PCDH7: variants seen among roughly 807,000 people sequenced by gnomAD.
PCDH7 encodes the protein protocadherin-7.
A neutral mutation model predicts 58.9 loss-of-function variants in PCDH7; 17 were observed. The ratio of observed to expected loss-of-function variants is 0.29; its 90% CI spans 0.20 to 0.43. The LOEUF (loss-of-function observed/expected upper bound fraction) is 0.43. Among genes scored for constraint, PCDH7 ranks in the 20% least tolerant of loss-of-function variants. The pLI is 1.00. For missense variants in PCDH7, 1,274 were observed against 1,441.0 expected (o/e 0.88, Z 1.88); for synonymous variants, 664 against 616.4 (o/e 1.08, Z -1.14).
intron 1 of PCDH7, among the ~76,000 whole-genome samples, chr4:30,762,862 G>A (rs1010327049): frequency 6.6e-6 from 1 of 152,142 alleles, no homozygotes; most frequent in Non-Finnish European, 1.5e-5. Context: ...CATTAGAATG[G>A]ACATACAATC....
chr4:31,006,857 A>T (rs1578544687), intron 3 of PCDH7, among the ~76,000 whole-genome samples: 1 of 151,484 alleles, frequency 6.6e-6, no homozygotes, highest in Non-Finnish European at 1.5e-5. Context: ...ACGCTACTGC[A>T]CTCCAGCCTG....
chr4:30,978,333 C>G (rs1750256184), intron 3 of PCDH7, among the ~76,000 whole-genome samples: 1 of 152,154 alleles, frequency 6.6e-6, no homozygotes, highest in Admixed American at 6.6e-5. Flanking sequence ...TTATGTCAGT[C>G]ACTAATTATT....
At chr4:31,130,267 T>C (rs1337381319) in intron 3 of PCDH7, among the ~76,000 whole-genome samples, 1 of 145,038 alleles carries the variant, frequency 6.9e-6, no homozygotes, top group Non-Finnish European at 1.6e-5. Flanking sequence ...TGTACTTTAC[T>C]GAACAAAAAT....
chr4:30,916,133 A>T (rs1302959180), intron 1 of PCDH7, among the ~76,000 whole-genome samples: 1 of 152,208 alleles, frequency 6.6e-6, no homozygotes, highest in Non-Finnish European at 1.5e-5. Context: ...AAATAAATGG[A>T]GGTCTAGTGA....
At chr4:30,724,363 A>C (rs372115931) in exon 1 of PCDH7, 15 of 1,613,982 alleles carry the variant, frequency 9.3e-6, no homozygotes, top group Non-Finnish European at 1.2e-5. Flanking sequence ...GGGGCGATAC[A>C]GGTCCGTTAA....
rs551756135 is a variant in PCDH7 at position 30,843,294 on chromosome 4, C to T, written c.71-76859C>T. ...TGGGCTCATTGTAATCTCCACCTCC[C>T]GGACTCAAGTGATTCTCCTGCCTCT... On this transcript the variant is annotated intron_variant, in intron 1 of 3. Coordinates refer to the PCDH7 transcript ENST00000509759. Among the ~76,000 whole-genome samples the T allele has an allele frequency of 9.2e-5, 14 of 152,122 alleles. No individual in the cohort carries two copies. The South Asian group carries it at 1.9e-3, about 20-fold the overall frequency.
intron 1 of PCDH7, among the ~76,000 whole-genome samples, chr4:30,803,218 A>C (rs2109307594): frequency 6.6e-6 from 1 of 152,304 alleles, no homozygotes; most frequent in South Asian, 2.1e-4. Context: ...ATATTACAGT[A>C]GAGCATTTTT....
chr4:31,041,506 A>G (rs550680376), intron 3 of PCDH7, among the ~76,000 whole-genome samples: 1 of 152,210 alleles, frequency 6.6e-6, no homozygotes, highest in East Asian at 1.9e-4. Context: ...ACAGACTCCT[A>G]AGTGCTGGAA....
intron 1 of PCDH7, among the ~76,000 whole-genome samples, chr4:30,877,913 GA>G (rs1239502892): frequency 6.6e-6 from 1 of 152,082 alleles, no homozygotes; most frequent in Non-Finnish European, 1.5e-5. Flanking sequence ...TGGGAACTCT[GA>G]ATTGCCATGG....
chr4:31,116,838 T>C (rs1380060867), intron 3 of PCDH7, among the ~76,000 whole-genome samples: 2 of 151,996 alleles, frequency 1.3e-5, no homozygotes, highest in Admixed American at 1.3e-4. Context: ...TTGTTGTTGT[T>C]GTTTGGTTTT....
intron 3 of PCDH7, among the ~76,000 whole-genome samples, chr4:31,041,551 C>G (rs1048809143): frequency 1.3e-5 from 2 of 152,018 alleles, no homozygotes; most frequent in Non-Finnish European, 2.9e-5. Flanking sequence ...TGAAGGAGCA[C>G]GACACAGAAG....
At chr4:30,829,535 T>TATCAGTATATC (rs1729514817) in intron 1 of PCDH7, among the ~76,000 whole-genome samples, 1 of 152,002 alleles carries the variant, frequency 6.6e-6, no homozygotes, top group Admixed American at 6.6e-5. Flanking sequence ...GTAGAGAAGG[T>TATCAGTATATC]ATCAGTATAT....
chr4:30,901,741 A>C (rs950714828), intron 1 of PCDH7, among the ~76,000 whole-genome samples: 5 of 151,632 alleles, frequency 3.3e-5, no homozygotes, highest in Non-Finnish European at 7.4e-5. Flanking sequence ...CTCATGAAAA[A>C]CTCTTATCAG....
chr4:30,840,825 G>C (rs1731117275), intron 1 of PCDH7, among the ~76,000 whole-genome samples: 2 of 151,750 alleles, frequency 1.3e-5, no homozygotes, highest in South Asian at 4.2e-4. Context: ...ATGAGTCGTG[G>C]AATGTGTAAA....
intron 3 of PCDH7, among the ~76,000 whole-genome samples, chr4:31,068,576 T>C (rs1758283628): frequency 6.6e-6 from 1 of 151,890 alleles, no homozygotes; most frequent in African/African-American, 2.4e-5. Context: ...GTGGCCAAAT[T>C]TTTCAGTAGG....
intron 3 of PCDH7, among the ~76,000 whole-genome samples, chr4:31,061,006 G>A (rs543010988): frequency 1.6e-4 from 24 of 151,686 alleles, no homozygotes; most frequent in South Asian, 1.0e-3. Flanking sequence ...GAGACTCTTC[G>A]TTTCTGTCAA....
intron 3 of PCDH7, among the ~76,000 whole-genome samples, chr4:31,081,472 A>G (rs960762836): frequency 1.3e-5 from 2 of 152,226 alleles, no homozygotes; most frequent in African/African-American, 2.4e-5. Context: ...ACATTACATA[A>G]CATCTTCTTA....
intron 1 of PCDH7, among the ~76,000 whole-genome samples, chr4:30,753,439 A>C (rs542386330): frequency 2.0e-5 from 3 of 152,358 alleles, no homozygotes; most frequent in African/African-American, 7.2e-5. Context: ...CATAACTTGC[A>C]CATATTGCTT....
chr4:30,835,732 A>C (rs1378552167), intron 1 of PCDH7, among the ~76,000 whole-genome samples: 2 of 152,176 alleles, frequency 1.3e-5, no homozygotes, highest in Non-Finnish European at 1.5e-5. Flanking sequence ...CACCATCTGT[A>C]AAGTGGGGCT....
Sources: gnomAD v4.1 joint callset for allele counts (sites outside exome capture counted in the v4.1 genomes callset) on GRCh38, gnomAD v4.1.1 for gene constraint, MANE v1.5 for transcripts, NCBI Gene and HGNC (gene_info 2026-07-23, HGNC 2026-07-21) for gene names.